TMEM117: variants seen among roughly 807,000 people sequenced by gnomAD.
The protein encoded by TMEM117 is transmembrane protein 117.
Under a neutral mutation model 52.4 loss-of-function variants are expected in TMEM117, and 27 were observed. The observed-to-expected ratio is 0.51, with a 90% CI of 0.38 to 0.71. The LOEUF is 0.71. Among genes scored for constraint, TMEM117 ranks in the 30% least tolerant of loss-of-function variants. TMEM117 has a pLI of 0.00. For synonymous variants in TMEM117, 215 were observed against 206.3 expected (o/e 1.04, Z -0.36); for missense variants, 556 against 630.5 (o/e 0.88, Z 1.26).
chr12:44,088,110 A>C (rs1362657044), intron 3 of TMEM117, among the ~76,000 whole-genome samples: 1 of 152,222 alleles, frequency 6.6e-6, no homozygotes, highest in African/African-American at 2.4e-5. Flanking sequence ...TAGATAGTTA[A>C]GAGTGAAAAA....
At chr12:43,899,124 T>A (rs1944262322) in intron 2 of TMEM117, among the ~76,000 whole-genome samples, 1 of 152,212 alleles carries the variant, frequency 6.6e-6, no homozygotes, top group South Asian at 2.1e-4. Context: ...TCTAACCACA[T>A]GAAAGTAGCT....
intron 6 of TMEM117, among the ~76,000 whole-genome samples, chr12:44,308,497 G>T (rs1950931595): frequency 6.6e-6 from 1 of 152,140 alleles, no homozygotes; most frequent in Non-Finnish European, 1.5e-5. Context: ...GACACATTCA[G>T]CCATGCTATT....
intron 6 of TMEM117, among the ~76,000 whole-genome samples, chr12:44,317,142 T>A (rs1951066208): frequency 6.6e-6 from 1 of 151,108 alleles, no homozygotes; most frequent in African/African-American, 2.4e-5. Flanking sequence ...AGTGTGATCC[T>A]TTGGTGGAGT....
At chr12:43,980,525 A>G (rs1374477492) in intron 3 of TMEM117, among the ~76,000 whole-genome samples, 4 of 152,152 alleles carry the variant, frequency 2.6e-5, no homozygotes, top group African/African-American at 9.7e-5. Flanking sequence ...GTTGCTCTTG[A>G]GCTGATAACT....
intron 3 of TMEM117, among the ~76,000 whole-genome samples, chr12:44,067,308 T>C (rs1592488426): frequency 6.6e-6 from 1 of 152,208 alleles, no homozygotes; most frequent in East Asian, 1.9e-4. Context: ...ATCACAAATG[T>C]TCTTAATGTC....
intron 3 of TMEM117, chr12:44,083,674 G>A (rs532710546): frequency 1.6e-4 from 25 of 152,036 alleles, no homozygotes; most frequent in African/African-American, 5.8e-4. Context: ...AAAGCCCTGG[G>A]ATTACAGGTA....
At chr12:44,225,633 G>A (rs1231584329) in intron 5 of TMEM117, among the ~76,000 whole-genome samples, 5 of 149,386 alleles carry the variant, frequency 3.3e-5, no homozygotes, top group African/African-American at 5.0e-5. Flanking sequence ...ATCTTAATCA[G>A]TGACTTTACC....
intron 1 of TMEM117, among the ~76,000 whole-genome samples, chr12:43,836,798 T>G (rs981440805): frequency 3.3e-5 from 5 of 152,124 alleles, no homozygotes; most frequent in African/African-American, 9.6e-5. Context: ...TATGTGTGTG[T>G]GGGTGTGCGT....
intron 4 of TMEM117, among the ~76,000 whole-genome samples, chr12:44,187,439 GTTAAT>G (rs1949293518): frequency 6.6e-6 from 1 of 151,994 alleles, no homozygotes; most frequent in African/African-American, 2.4e-5. Context: ...ATATTCACTT[GTTAAT>G]TTAATCACTT....
chr12:44,105,779 T>C (rs1449286932), intron 3 of TMEM117, among the ~76,000 whole-genome samples: 1 of 151,992 alleles, frequency 6.6e-6, no homozygotes, highest in Non-Finnish European at 1.5e-5. Flanking sequence ...CAAATCCCAA[T>C]AAGGTTAGGC....
intron 3 of TMEM117, among the ~76,000 whole-genome samples, chr12:44,000,688 T>A (rs1315427845): frequency 2.0e-5 from 3 of 151,926 alleles, no homozygotes; most frequent in Non-Finnish European, 4.4e-5. Context: ...GGGCTAAGAG[T>A]GTTCAGAGAA....
chr12:44,018,058 T>C (rs192372095), intron 3 of TMEM117, among the ~76,000 whole-genome samples: 1 of 152,326 alleles, frequency 6.6e-6, no homozygotes, highest in East Asian at 1.9e-4. Context: ...TGGTATGTGC[T>C]GGCTGCTCTT....
intron 6 of TMEM117, among the ~76,000 whole-genome samples, chr12:44,323,769 G>A (rs560779823): frequency 3.3e-5 from 5 of 152,110 alleles, no homozygotes; most frequent in Admixed American, 6.5e-5. Flanking sequence ...ACATTACTAC[G>A]GTGTGTCCCA....
intron 2 of TMEM117, among the ~76,000 whole-genome samples, chr12:43,863,765 G>A (rs754745972): frequency 2.6e-5 from 4 of 152,222 alleles, no homozygotes; most frequent in African/African-American, 7.2e-5. Context: ...ACTCACTCTC[G>A]GTGCCTCCTT....
At chr12:44,276,063 A>G (rs1485070006) in intron 5 of TMEM117, among the ~76,000 whole-genome samples, 1 of 152,190 alleles carries the variant, frequency 6.6e-6, no homozygotes, top group Non-Finnish European at 1.5e-5. Flanking sequence ...TATCCCATAA[A>G]TATATACACC....
At chr12:44,397,051 T>A in the TMEM117 span, among the ~76,000 whole-genome samples, 1 of 151,960 alleles carries the variant, frequency 6.6e-6, no homozygotes, top group Admixed American at 6.6e-5. Flanking sequence ...AAAATCCAAT[T>A]TAAAGCGAGT....
intron 3 of TMEM117, among the ~76,000 whole-genome samples, chr12:44,125,394 A>C (rs1948307953): frequency 6.6e-6 from 1 of 152,198 alleles, no homozygotes; most frequent in Non-Finnish European, 1.5e-5. Flanking sequence ...GGCGTGAGCC[A>C]CTGCGCCCGG....
At chr12:44,006,224 C>T (rs1364068420) in intron 3 of TMEM117, among the ~76,000 whole-genome samples, 1 of 152,156 alleles carries the variant, frequency 6.6e-6, no homozygotes, top group African/African-American at 2.4e-5. Flanking sequence ...GGGTGAGGAC[C>T]AAGACTGCCT....
chr12:44,151,538 G>T, intron 4 of TMEM117, among the ~76,000 whole-genome samples: 1 of 125,396 alleles, frequency 8.0e-6, no homozygotes. Flanking sequence ...GTCCCCAGGT[G>T]TGATGTTCCC....
Sources: allele counts gnomAD v4.1 joint callset (sites outside exome capture counted in the v4.1 genomes callset), GRCh38; gene constraint gnomAD v4.1.1; transcripts MANE v1.5; gene names NCBI Gene and HGNC (gene_info 2026-07-23, HGNC 2026-07-21).